ANKFN1: variants seen among roughly 807,000 people sequenced by gnomAD.
ANKFN1 encodes ankyrin repeat and fibronectin type-III domain-containing protein 1.
In ANKFN1, 74 loss-of-function variants were observed where a neutral mutation model predicts 108.7. The observed-to-expected ratio is 0.68, with a 90% confidence interval of 0.56 to 0.83. The LOEUF (loss-of-function observed/expected upper bound fraction) is 0.83. ANKFN1 is among the 40% of genes least tolerant of loss of function. The pLI is 0.00. For missense variants in ANKFN1, 1,505 were observed against 1,382.3 expected (o/e 1.09, Z -1.41); for synonymous variants, 547 against 516.2 (o/e 1.06, Z -0.81).
In ANKFN1 at chr17:56,237,579, A is replaced by G. The variant is rs149693716; in HGVS notation, c.53+9622A>G. On this transcript the variant is annotated intron_variant, in intron 3 of 20. Transcript: ENST00000682825. ...CTAGTTTCTGTGCATACAGGTATTCATGGTAGTTTCCGATAGTTATTTTTA... is the reference window on the plus strand; with the variant it reads ...CTAGTTTCTGTGCATACAGGTATTCGTGGTAGTTTCCGATAGTTATTTTTA... Among the ~76,000 whole-genome samples, 1,262 of 152,116 alleles carry G rather than the reference A, an allele frequency of 8.3e-3. 34 individuals carry two copies. The highest frequency in any genetic ancestry group is 6.5e-3 in the Non-Finnish European group (439 of 67,982).
intron 1 of ANKFN1, among the ~76,000 whole-genome samples, chr17:56,185,952 A>G (rs1912160492): frequency 6.6e-6 from 1 of 152,130 alleles, no homozygotes; most frequent in Non-Finnish European, 1.5e-5. Context: ...AAAGCAATAG[A>G]CCCATTAGTT....
At chr17:56,277,046 C>T (rs545892976) in intron 3 of ANKFN1, among the ~76,000 whole-genome samples, 1 of 152,266 alleles carries the variant, frequency 6.6e-6, no homozygotes, top group African/African-American at 2.4e-5. Context: ...GTTACCCCCA[C>T]TAACTCCTAA....
intron 3 of ANKFN1, among the ~76,000 whole-genome samples, chr17:56,293,667 A>T (rs536795419): frequency 6.6e-6 from 1 of 152,358 alleles, no homozygotes; most frequent in Non-Finnish European, 1.5e-5. Flanking sequence ...AGCACAGAAC[A>T]GATGCTACCC....
intron 1 of ANKFN1, among the ~76,000 whole-genome samples, chr17:56,161,872 A>G (rs1427839608): frequency 6.6e-6 from 1 of 152,260 alleles, no homozygotes; most frequent in Non-Finnish European, 1.5e-5. Context: ...GATTTGGGAC[A>G]GTTCTCAGGG....
intron 12 of ANKFN1, 134 bp from the exon 13 acceptor site, chr17:56,457,123 G>A (rs2049733219): frequency 9.0e-7 from 1 of 1,112,674 alleles, no homozygotes; most frequent in Non-Finnish European, 1.3e-6. Flanking sequence ...CTTTTGAGTT[G>A]TAACTAGTGA....
rs1361307404 is a variant in ANKFN1 at position 56,170,807 on chromosome 17, T to TATATATACACACACACACACAC, written c.-71+17278_-71+17279insTATATACACACACACACACACA. Among the ~76,000 whole-genome samples the TATATATACACACACACACACAC allele has an allele frequency of 1.6e-4, 10 of 61,456 alleles. No homozygotes were observed. The South Asian group carries it at 6.4e-3, about 40-fold the overall frequency. The allele number at this position is 61,456 out of a possible 152,430, so 40.3% of individuals were successfully genotyped here. Reference sequence around the variant, plus strand: ...ATATATATATATATATATATATATATACACACACACACACACACACACACA... The same window carrying TATATATACACACACACACACAC: ...ATATATATATATATATATATATATATATATATACACACACACACACACACACACACACACACACACACACACA... On this transcript the variant is annotated intron_variant, in intron 1 of 20. Coordinates refer to ENST00000682825, the MANE Select transcript of ANKFN1 (RefSeq NM_001370326.1).
chr17:56,232,618 A>C (rs1916826300), intron 3 of ANKFN1, among the ~76,000 whole-genome samples: 1 of 152,166 alleles, frequency 6.6e-6, no homozygotes. Flanking sequence ...TCTTGGCTTC[A>C]TTCAAGAGAT....
intron 9 of ANKFN1, 131 bp downstream of exon 9, chr17:56,440,555 T>C: frequency 1.6e-6 from 1 of 613,252 alleles, no homozygotes; most frequent in African/African-American, 1.8e-5. Flanking sequence ...TCATTAAGCA[T>C]GATATGTCTG....
chr17:56,056,305 G>T (rs2143093444), intron 4 of ANKFN1, among the ~76,000 whole-genome samples: 1 of 143,688 alleles, frequency 7.0e-6, no homozygotes, highest in South Asian at 2.2e-4. Flanking sequence ...ATTTCTTATA[G>T]AATTAGAAAA....
chr17:56,186,631 C>G (rs569504532), intron 1 of ANKFN1, among the ~76,000 whole-genome samples: 2 of 152,276 alleles, frequency 1.3e-5, no homozygotes, highest in South Asian at 2.1e-4. Context: ...TATCCCCTGG[C>G]TCCCTAGCTA....
intron 4 of ANKFN1, among the ~76,000 whole-genome samples, chr17:56,348,372 C>T (rs1231647022): frequency 6.6e-6 from 1 of 151,904 alleles, no homozygotes; most frequent in Non-Finnish European, 1.5e-5. Context: ...AGTAGGACCA[C>T]CTTAAAAGGA....
intron 8 of ANKFN1, among the ~76,000 whole-genome samples, chr17:56,385,090 C>A (rs1291135550): frequency 6.6e-6 from 1 of 151,202 alleles, no homozygotes; most frequent in African/African-American, 2.4e-5. Context: ...CTACAGTAAC[C>A]AAAACAGCAT....
chr17:56,384,260 C>A (rs78728972), intron 8 of ANKFN1, among the ~76,000 whole-genome samples: 84,651 of 151,626 alleles, frequency 0.56, 27,824 homozygotes, highest in East Asian at 0.96. Context: ...CAGAACAGGC[C>A]TTTGATAAAA....
At chr17:56,429,917 G>C (rs370919507) in intron 8 of ANKFN1, among the ~76,000 whole-genome samples, 1 of 152,168 alleles carries the variant, frequency 6.6e-6, no homozygotes, top group Admixed American at 6.6e-5. Context: ...ATGCATGCAC[G>C]TAAATCATTA....
At chr17:56,063,618 T>C (rs1905013556) in intron 4 of ANKFN1, among the ~76,000 whole-genome samples, 1 of 151,998 alleles carries the variant, frequency 6.6e-6, no homozygotes, top group South Asian at 2.1e-4. Context: ...TGTTCCTCTC[T>C]AAAATGGTTA....
chr17:56,137,547 A>T (rs77716161), intron 4 of ANKFN1, among the ~76,000 whole-genome samples: 1,648 of 152,306 alleles, frequency 0.011, 26 homozygotes, highest in African/African-American at 0.037. Context: ...CATCTGAAGA[A>T]ACCAGGTGGG....
At chr17:56,401,130 G>A (rs554957650) in intron 8 of ANKFN1, among the ~76,000 whole-genome samples, 332 of 152,104 alleles carry the variant, frequency 2.2e-3, no homozygotes, top group African/African-American at 7.0e-3. Flanking sequence ...GAAGAATGAT[G>A]GTGGTATTTT....
chr17:56,308,894 A>C (rs1431354729), intron 3 of ANKFN1, among the ~76,000 whole-genome samples: 2 of 152,204 alleles, frequency 1.3e-5, no homozygotes, highest in Non-Finnish European at 2.9e-5. Flanking sequence ...ATATTGAATA[A>C]GCCTCGCATC....
At position 56,252,092 on chromosome 17, in the gene ANKFN1, T is replaced by C. The variant is rs188861538; in HGVS notation, c.53+24135T>C. On this transcript the variant is annotated intron_variant, in intron 3 of 20. Transcript: ENST00000682825. ...GAATAATGGAGGATCATAAGCTAGC[T>C]TCCATTTGCTATTCAGAGCCTTTGT... 2.2e-4 allele frequency: 34 copies of C among 152,354 alleles called. No individual in the cohort carries two copies. In the East Asian group the frequency reaches 5.6e-3, roughly 25 times the overall value. The allele number at this position is 152,354 out of a possible 1,614,324, so 9.4% of individuals were successfully genotyped here.
Sources: gnomAD v4.1 joint callset for allele counts (sites outside exome capture counted in the v4.1 genomes callset) on GRCh38, gnomAD v4.1.1 for gene constraint, MANE v1.5 for transcripts, NCBI Gene and HGNC (gene_info 2026-07-23, HGNC 2026-07-21) for gene names.